RBFOX1: variants seen among roughly 807,000 people sequenced by gnomAD.
The protein encoded by RBFOX1 is RNA binding fox-1 homolog 1.
A neutral mutation model predicts 57.7 loss-of-function variants in RBFOX1; 8 were observed. That is an observed-to-expected ratio of 0.14 (90% confidence interval 0.08 to 0.25). RBFOX1 has a LOEUF of 0.25. Ranked by LOEUF, RBFOX1 falls within the 10% of genes least tolerant of loss-of-function variation. RBFOX1 has a pLI of 1.00. For missense variants in RBFOX1, 611 were observed against 548.5 expected, an observed-to-expected ratio of 1.11 and a Z score of -1.14; for synonymous variants, 326 against 222.4, an observed-to-expected ratio of 1.47 and a Z score of -4.15.
At chr16:7,169,369 A>G (rs997183980) in intron 4 of RBFOX1, among the ~76,000 whole-genome samples, 2 of 152,182 alleles carry the variant, frequency 1.3e-5, no homozygotes, top group Non-Finnish European at 2.9e-5. Context: ...GGGTCAGATA[A>G]TTACTTGTTA....
At chr16:6,374,708 G>A (rs1369093696) in intron 2 of RBFOX1, among the ~76,000 whole-genome samples, 3 of 152,152 alleles carry the variant, frequency 2.0e-5, no homozygotes, top group African/African-American at 7.2e-5. Flanking sequence ...CTATAAGAAC[G>A]AAGAGACTGT....
chr16:7,418,159 TA>T (rs1340081032), intron 4 of RBFOX1, among the ~76,000 whole-genome samples: 2 of 152,148 alleles, frequency 1.3e-5, no homozygotes, highest in African/African-American at 4.8e-5. Context: ...AGCTTGAGGA[TA>T]AGAGGACTAG....
At chr16:6,194,022 A>T (rs1449950229) in intron 1 of RBFOX1, among the ~76,000 whole-genome samples, 3 of 152,154 alleles carry the variant, frequency 2.0e-5, no homozygotes, top group Non-Finnish European at 4.4e-5. Flanking sequence ...TGAAGCCTAG[A>T]ATCTCATTCC....
chr16:7,369,200 T>C (rs1334062547), intron 4 of RBFOX1, among the ~76,000 whole-genome samples: 1 of 151,622 alleles, frequency 6.6e-6, no homozygotes, highest in Non-Finnish European at 1.5e-5. Context: ...CTTGCCACCT[T>C]CCCCCAGCCC....
At chr16:6,811,669 C>G (rs778816301) in intron 3 of RBFOX1, among the ~76,000 whole-genome samples, 1 of 152,046 alleles carries the variant, frequency 6.6e-6, no homozygotes, top group Non-Finnish European at 1.5e-5. Context: ...GCGGGTAGAT[C>G]ATCTGAAGTC....
intron 3 of RBFOX1, among the ~76,000 whole-genome samples, chr16:6,869,501 G>C (rs918738278): frequency 6.6e-5 from 10 of 151,282 alleles, no homozygotes; most frequent in African/African-American, 2.4e-4. Context: ...AATGCCCTGA[G>C]TTTTTCAACA....
In RBFOX1 at chr16:6,194,653, C is replaced by G. The variant is rs150255506; in HGVS notation, c.-126-122342C>G. Among the ~76,000 whole-genome samples the G allele has an allele frequency of 2.8e-3, 425 of 152,266 alleles. 3 individuals carry two copies. Among genetic ancestry groups the G allele is most frequent in the African/African-American group, 9.9e-3 (412 of 41,558 alleles). On this transcript the variant is annotated intron_variant, in intron 1 of 15. Transcript: ENST00000550418. ...GCAGCCTTCCTCCAGGCATTCTTTCCCTGAGTGCCACTGGCTCTTTGTCTC... is the reference window on the plus strand; with the variant it reads ...GCAGCCTTCCTCCAGGCATTCTTTCGCTGAGTGCCACTGGCTCTTTGTCTC...
intron 7 of RBFOX1, among the ~76,000 whole-genome samples, chr16:7,588,021 A>G (rs1488241963): frequency 1.3e-5 from 2 of 152,178 alleles, no homozygotes; most frequent in Non-Finnish European, 2.9e-5. Context: ...TTTACTAAAA[A>G]TACAAAAATT....
intron 1 of RBFOX1, among the ~76,000 whole-genome samples, chr16:6,304,815 G>T (rs1359628447): frequency 7.4e-6 from 1 of 134,610 alleles, no homozygotes; most frequent in East Asian, 2.3e-4. Context: ...GGAAATTGCA[G>T]TGAGCCCACA....
rs74006206 is a variant in RBFOX1, at chr16:5,705,010, C to G, written c.318+106049C>G. 7.6e-3 allele frequency among the ~76,000 whole-genome samples: 1,090 copies of G among 143,484 alleles called. 9 individuals are homozygous for G. Among genetic ancestry groups the G allele is most frequent in the African/African-American group, 0.026 (997 of 38,810 alleles). 94.1% of individuals were successfully genotyped at this position (143,484 alleles called of 152,430 possible). A position where few individuals can be genotyped will look rare whatever the true frequency, so the allele number is the denominator to read the frequency against. On this transcript the variant is annotated intron_variant, in intron 3 of 19. Transcript: ENST00000641259. The stretch of plus-strand genomic sequence containing the variant: ...GTAGATCATCTCTTCCACCAGGAAT[C>G]TCTCCCTCCAGCCCATTTTTGACCC...
Position 7,041,475 on chromosome 16 carries a change from G to T in RBFOX1, c.-15-10582G>T, listed in dbSNP as rs115149423. The stretch of plus-strand genomic sequence containing the variant: ...CTTGTGGACATTGGCATTCTTCTCA[G>T]TTCTGGGTCTGTTCTGTGACAAGCG... On this transcript the variant is annotated intron_variant, in intron 3 of 15. Coordinates refer to ENST00000550418, the MANE Select transcript of RBFOX1 (RefSeq NM_018723.4). 4.7e-3 allele frequency among the ~76,000 whole-genome samples: 717 copies of T among 152,166 alleles called. 10 individuals are homozygous for T. Among genetic ancestry groups the T allele is most frequent in the African/African-American group, 0.016 (659 of 41,512 alleles).
At chr16:6,804,756 G>C (rs188402935) in intron 3 of RBFOX1, among the ~76,000 whole-genome samples, 2 of 152,162 alleles carry the variant, frequency 1.3e-5, no homozygotes, top group African/African-American at 2.4e-5. Context: ...AGAATGGGAC[G>C]CAGTGGATTG....
chr16:6,975,305 A>G (rs2086580886), intron 3 of RBFOX1, among the ~76,000 whole-genome samples: 2 of 151,796 alleles, frequency 1.3e-5, no homozygotes, highest in South Asian at 4.2e-4. Context: ...TCATTCTGTC[A>G]CCCAGGCTGG....
At chr16:7,174,396 C>A (rs143041361) in intron 4 of RBFOX1, among the ~76,000 whole-genome samples, 9 of 152,192 alleles carry the variant, frequency 5.9e-5, no homozygotes, top group African/African-American at 1.4e-4. Context: ...TTTCCAAGTT[C>A]TTGGGTGGAT....
chr16:7,240,857 G>A (rs893758632), intron 4 of RBFOX1, among the ~76,000 whole-genome samples: 3 of 152,100 alleles, frequency 2.0e-5, no homozygotes, highest in South Asian at 2.1e-4. Context: ...GGCGTGAGCC[G>A]CTGCACCTGG....
At chr16:6,630,660 C>T (rs1339061282) in intron 2 of RBFOX1, among the ~76,000 whole-genome samples, 1 of 152,144 alleles carries the variant, frequency 6.6e-6, no homozygotes, top group Non-Finnish European at 1.5e-5. Flanking sequence ...ATTGGTAATA[C>T]TTATATTCCC....
chr16:7,254,576 C>T (rs1454274757), intron 4 of RBFOX1, among the ~76,000 whole-genome samples: 1 of 151,834 alleles, frequency 6.6e-6, no homozygotes, highest in Non-Finnish European at 1.5e-5. Flanking sequence ...CATTGTGTTC[C>T]AAAGGACCTC....
intron 3 of RBFOX1, among the ~76,000 whole-genome samples, chr16:5,761,003 A>G (rs2053572805): frequency 6.6e-6 from 1 of 152,252 alleles, no homozygotes; most frequent in African/African-American, 2.4e-5. Flanking sequence ...CTTCACCTCA[A>G]TGAAAAACAG....
rs534968892 is a variant in RBFOX1 at position 5,463,636 on chromosome 16, C to T, written c.220-3580C>T. 9.2e-5 allele frequency among the ~76,000 whole-genome samples: 14 copies of T among 151,828 alleles called. No individual in the cohort carries two copies. In the South Asian group the frequency reaches 2.9e-3, roughly 32 times the overall value. On this transcript the variant is annotated intron_variant, in intron 1 of 2. Transcript: ENST00000585867. ...CCAACGTGGTGAAACCCTGTGTCCA[C>T]TAAAAATACAAAAATTAGCCAGACG...
Sources: allele counts gnomAD v4.1 joint callset (sites outside exome capture counted in the v4.1 genomes callset), GRCh38; gene constraint gnomAD v4.1.1; transcripts MANE v1.5; gene names NCBI Gene and HGNC (gene_info 2026-07-23, HGNC 2026-07-21).